MYO9A: variants seen among roughly 807,000 people sequenced by gnomAD.
MYO9A encodes the protein unconventional myosin-IXa.
A neutral mutation model predicts 293.3 loss-of-function variants in MYO9A; 103 were observed. The ratio of observed to expected loss-of-function variants is 0.35; its 90% CI spans 0.30 to 0.41. The LOEUF (loss-of-function observed/expected upper bound fraction) is 0.41. Among genes scored for constraint, MYO9A ranks in the 10% least tolerant of loss-of-function variants. MYO9A has a pLI of 1.00. For missense variants in MYO9A, 2,685 were observed against 3,033.0 expected (o/e 0.89, Z 2.69); for synonymous variants, 1,001 against 1,035.7 (o/e 0.97, Z 0.64).
intron 1 of MYO9A, among the ~76,000 whole-genome samples, chr15:72,111,126 T>C (rs1488697304): frequency 1.0e-4 from 15 of 148,280 alleles, no homozygotes; most frequent in African/African-American, 3.8e-4. Context: ...ACCCCTGCAC[T>C]CCAGCCTGGG....
Position 71,826,649 on chromosome 15 carries a change from T to C in MYO9A, c.7578A>G (p.Lys2526=). 2 of 1,613,126 alleles carry C rather than the reference T, an allele frequency of 1.2e-6. No homozygotes were observed. Among genetic ancestry groups the C allele is most frequent in the Admixed American group, 3.3e-5 (2 of 59,776 alleles). The change falls in exon 42 of 42, where the codon AAA becomes AAG. Residue 2526 remains lysine, a synonymous_variant. Coordinates refer to ENST00000356056, the MANE Select transcript of MYO9A (RefSeq NM_006901.4). The part of the protein sequence containing the change: ...PEGTVMSGRR[K]TVDPDCTSNQ... ...TGGAGGTGCAGTCTGGGTCCACAGT[T>C]TTTCTGCGGCCAGACATGACTGTCC...
Position 71,935,488 on chromosome 15 carries a change from T to C in MYO9A, c.2379-4A>G, listed in dbSNP as rs56185296. The C allele has an allele frequency of 4.5e-5, 72 of 1,612,202 alleles. No individual in the cohort carries two copies. The Middle Eastern group carries it at 5.0e-4, about 11-fold the overall frequency. Reference sequence around the variant, plus strand: ...CCAGGCAATATCAAATGTATCACTGTAAAAAATATAATTTGCTTTAGTTAA... The same window carrying C: ...CCAGGCAATATCAAATGTATCACTGCAAAAAATATAATTTGCTTTAGTTAA... On this transcript the variant is annotated splice_region_variant and splice_polypyrimidine_tract_variant and intron_variant, in intron 16 of 41. Transcript: ENST00000356056.
intron 1 of MYO9A, among the ~76,000 whole-genome samples, chr15:72,074,402 G>A (rs558373604): frequency 6.6e-6 from 1 of 151,932 alleles, no homozygotes; most frequent in East Asian, 1.9e-4. Context: ...GGAGAGCTGA[G>A]AATACAAAGA....
At position 71,899,349 on chromosome 15, in the gene MYO9A, AAAGTG is replaced by A. The variant is rs550044106; in HGVS notation, c.3471-322_3471-318del. On this transcript the variant is annotated intron_variant, in intron 24 of 41. Transcript: ENST00000356056. ...AAAGTGAAATTTTAAGTGTGAAATT[AAAGTG>A]AAATTTTAATTTAAGTGTGAAATTA... Among the ~76,000 whole-genome samples the A allele has an allele frequency of 4.4e-3, 645 of 145,468 alleles. 3 individuals carry two copies. The highest frequency in any genetic ancestry group is 6.5e-3 in the Non-Finnish European group (422 of 64,950).
In MYO9A at chr15:72,099,685, T is replaced by G. The variant is rs2080201574; in HGVS notation, c.-72+17995A>C. Among the ~76,000 whole-genome samples the G allele has an allele frequency of 2.0e-5, 3 of 151,928 alleles. No individual in the cohort carries two copies. In the South Asian group the frequency reaches 6.2e-4, roughly 32 times the overall value. ...TGGGAGGCTGAGCGGGTGGATCACC[T>G]GAAGCCAGGAGTTTGAGACCAACCT... On this transcript the variant is annotated intron_variant, in intron 1 of 41. Coordinates refer to ENST00000356056, the MANE Select transcript of MYO9A (RefSeq NM_006901.4).
Position 71,827,033 on chromosome 15 carries a change from TAAGCTTCTTTCTAATGC to T in MYO9A, c.7184-7_7193del. 6.4e-7 allele frequency: 1 copy of T among 1,571,236 alleles called. No homozygotes were observed. Among genetic ancestry groups the T allele is most frequent in the East Asian group, 2.2e-5 (1 of 44,628 alleles). ...CAGCTGTCTTCAGGGAGCTAAGGGC[TAAGCTTCTTTCTAATGC>T]AAAAAAGAGACCAAAGATGTAAATG... On this transcript the variant is annotated splice_acceptor_variant and splice_polypyrimidine_tract_variant and coding_sequence_variant and intron_variant, in exon 42 of 42. Transcript: ENST00000356056. LOFTEE classifies it high-confidence loss of function.
At chr15:71,981,519 T>C (rs1179334316) in intron 11 of MYO9A, among the ~76,000 whole-genome samples, 4 of 152,232 alleles carry the variant, frequency 2.6e-5, no homozygotes, top group African/African-American at 9.6e-5. Flanking sequence ...TTTGTTCGTA[T>C]CATTTGACAA....
At chr15:72,065,109 C>T (rs1324671046) in intron 1 of MYO9A, among the ~76,000 whole-genome samples, 1 of 152,166 alleles carries the variant, frequency 6.6e-6, no homozygotes. Context: ...GTCAATGGTG[C>T]TGCACCAACT....
At chr15:71,987,961 T>TTTGAACACA (rs1251663510) in intron 11 of MYO9A, among the ~76,000 whole-genome samples, 1 of 152,168 alleles carries the variant, frequency 6.6e-6, no homozygotes, top group African/African-American at 2.4e-5. Context: ...TCCAAGTAGT[T>TTTGAACACA]TTGAACACAT....
At chr15:72,023,722 A>T (rs1429467618) in intron 4 of MYO9A, among the ~76,000 whole-genome samples, 1 of 151,672 alleles carries the variant, frequency 6.6e-6, no homozygotes, top group Non-Finnish European at 1.5e-5. Flanking sequence ...AAGAAAAGAA[A>T]AAAAGGCTCC....
Position 71,898,768 on chromosome 15 carries a change from G to C in MYO9A, c.3735C>G (p.Asp1245Glu). The C allele has an allele frequency of 2.5e-6, 4 of 1,614,070 alleles. No individual in the cohort carries two copies. Among genetic ancestry groups the C allele is most frequent in the Non-Finnish European group, 3.4e-6 (4 of 1,179,986 alleles). ...QERAQSQSGV[D>E]LQEDVLVRER... The stretch of plus-strand genomic sequence containing the variant: ...CTCTTACAAGCACATCTTCCTGCAA[G>C]TCCACACCACTCTGGCTTTGGGCTC... The change falls in exon 25 of 42, where the codon GAC becomes GAG. Residue 1245 changes from aspartate to glutamate, a missense_variant. Around this residue, in one of 10 missense-constraint regions of MYO9A, gnomAD observed 1,434 missense variants for 1,497.7 expected, o/e 0.96. Coordinates refer to ENST00000356056, the MANE Select transcript of MYO9A (RefSeq NM_006901.4).
At chr15:71,989,308 T>G (rs998490365) in intron 11 of MYO9A, among the ~76,000 whole-genome samples, 1 of 152,170 alleles carries the variant, frequency 6.6e-6, no homozygotes, top group African/African-American at 2.4e-5. Flanking sequence ...TGTACTGACT[T>G]GAGATTCTGT....
At chr15:71,933,577 T>A (rs981788604) in intron 18 of MYO9A, 93 bp downstream of exon 18, 12 of 1,171,984 alleles carry the variant, frequency 1.0e-5, no homozygotes, top group Admixed American at 2.0e-5. Flanking sequence ...AATAAGGTTA[T>A]TTCTTGTTTT....
At chr15:72,045,629 C>T in intron 2 of MYO9A, 95 bp downstream of exon 2, 1 of 1,331,112 alleles carries the variant, frequency 7.5e-7, no homozygotes, top group Non-Finnish European at 1.0e-6. Context: ...CACACATCGA[C>T]CTGGTATTGC....
intron 13 of MYO9A, among the ~76,000 whole-genome samples, chr15:71,967,215 TAC>T (rs947454883): frequency 6.6e-6 from 1 of 152,218 alleles, no homozygotes; most frequent in African/African-American, 2.4e-5. Flanking sequence ...TACAAATAGA[TAC>T]ACACACATAT....
chr15:71,883,379 G>C (rs1321359973), intron 28 of MYO9A, among the ~76,000 whole-genome samples: 1 of 152,120 alleles, frequency 6.6e-6, no homozygotes, highest in East Asian at 1.9e-4. Flanking sequence ...GGTGGTTGCT[G>C]CTTCATTGTT....
rs754760020 is a variant in MYO9A at position 71,898,527 on chromosome 15, TCTCA to T, written c.3972_3975del (p.Ser1324ArgfsTer10). 3.1e-6 allele frequency: 5 copies of T among 1,614,042 alleles called. No individual in the cohort carries two copies. The highest frequency in any genetic ancestry group is 1.7e-5 in the Admixed American group (1 of 60,006). On this transcript the variant is annotated frameshift_variant, in exon 25 of 42. Coordinates refer to ENST00000356056, the MANE Select transcript of MYO9A (RefSeq NM_006901.4). LOFTEE classifies it high-confidence loss of function. ...AGAAGTTCCAAGCTTCCTTGAGAGCTCTCACTATCAGGTGTACCCCGTGGAGACT... is the reference window on the plus strand; with the variant it reads ...AGAAGTTCCAAGCTTCCTTGAGAGCTCTATCAGGTGTACCCCGTGGAGACT...
rs1334727049 is a variant in MYO9A, at chr15:71,825,218, A to AGTG, written c.*1359_*1361dup. 6.6e-6 allele frequency: 1 copy of AGTG among 152,214 alleles called. No individual in the cohort carries two copies. The highest frequency in any genetic ancestry group is 1.5e-5 in the Non-Finnish European group (1 of 68,034). The allele number at this position is 152,214 out of a possible 1,614,324, so 9.4% of individuals were successfully genotyped here. A position where few individuals can be genotyped will look rare whatever the true frequency, so the allele number is the denominator to read the frequency against. On this transcript the variant is annotated 3_prime_UTR_variant, in exon 42 of 42. Transcript: ENST00000356056. ...TAACTCATGTGTATGAAGACCACCC[A>AGTG]GTGGTGAAAATGATGTCTTACTAAT...
At chr15:71,878,968 G>A (rs1435109158) in intron 30 of MYO9A, among the ~76,000 whole-genome samples, 1 of 151,796 alleles carries the variant, frequency 6.6e-6, no homozygotes, top group East Asian at 1.9e-4. Flanking sequence ...TATTGCCCAG[G>A]CTGGTCTTGA....
Sources: gnomAD v4.1 joint callset for allele counts (sites outside exome capture counted in the v4.1 genomes callset) on GRCh38, gnomAD v4.1.1 for gene constraint, gnomAD v4.1.1 regional missense constraint, MANE v1.5 for transcripts, NCBI Gene and HGNC (gene_info 2026-07-23, HGNC 2026-07-21) for gene names.